PTPRG: variants seen among roughly 807,000 people sequenced by gnomAD.
PTPRG encodes protein tyrosine phosphatase receptor type G, also known as receptor-type tyrosine-protein phosphatase gamma.
Under a neutral mutation model 165.3 loss-of-function variants are expected in PTPRG, and 102 were observed. That is an observed-to-expected ratio of 0.62 (90% CI 0.53 to 0.73). The LOEUF (loss-of-function observed/expected upper bound fraction) is 0.73, where lower values mean the gene tolerates loss of function less well. PTPRG is among the 30% of genes least tolerant of loss of function. PTPRG has a pLI of 0.00. For synonymous variants in PTPRG, 675 were observed against 669.5 expected, an observed-to-expected ratio of 1.01 and a Z score of -0.13; for missense variants, 1,866 against 1,861.4, an observed-to-expected ratio of 1.00 and a Z score of -0.05.
At chr3:62,006,509 C>A (rs960191618) in intron 4 of PTPRG, among the ~76,000 whole-genome samples, 1 of 152,046 alleles carries the variant, frequency 6.6e-6, no homozygotes. Flanking sequence ...TGTTTTCATT[C>A]TTAAAAACTA....
At chr3:61,857,497 C>T (rs2037145057) in intron 2 of PTPRG, among the ~76,000 whole-genome samples, 1 of 152,130 alleles carries the variant, frequency 6.6e-6, no homozygotes, top group Non-Finnish European at 1.5e-5. Flanking sequence ...GATGCATGTG[C>T]CATGGGTTGC....
chr3:61,684,550 C>G (rs1703559164), intron 1 of PTPRG, among the ~76,000 whole-genome samples: 1 of 152,174 alleles, frequency 6.6e-6, no homozygotes. Context: ...TAACATCTGA[C>G]AGGAGCTTCT....
chr3:61,638,591 G>GTTTTTTTTTTTTT (rs34396141), intron 1 of PTPRG, among the ~76,000 whole-genome samples: 4 of 58,704 alleles, frequency 6.8e-5, no homozygotes, highest in Admixed American at 3.1e-4. Flanking sequence ...TGCCTGGCTA[G>GTTTTTTTTTTTTT]TTTTTTTTTT....
In PTPRG at chr3:62,056,378, G is replaced by A. The variant is rs565106981; in HGVS notation, c.520-21785G>A. On this transcript the variant is annotated intron_variant, in intron 4 of 29. Coordinates refer to ENST00000474889, the MANE Select transcript of PTPRG (RefSeq NM_002841.4). ...GTAGCCCATGAGGGCTTTGAATGTG[G>A]CCCAACACAAATTTGTAAACTTTCT... Among the ~76,000 whole-genome samples the A allele has an allele frequency of 3.9e-5, 6 of 152,236 alleles. No individual in the cohort carries two copies. In the East Asian group the frequency reaches 1.2e-3, roughly 29 times the overall value.
intron 4 of PTPRG, among the ~76,000 whole-genome samples, chr3:62,018,203 A>C (rs185790605): frequency 6.6e-6 from 1 of 152,360 alleles, no homozygotes; most frequent in Non-Finnish European, 1.5e-5. Flanking sequence ...ATCTTAACCC[A>C]AATGTACATC....
At chr3:61,591,086 A>C (rs1469215661) in intron 1 of PTPRG, among the ~76,000 whole-genome samples, 1 of 152,188 alleles carries the variant, frequency 6.6e-6, no homozygotes, top group Non-Finnish European at 1.5e-5. Flanking sequence ...ACCCTGTCCC[A>C]AAAAAAGAAA....
At chr3:61,598,381 T>C (rs1209178760) in intron 1 of PTPRG, among the ~76,000 whole-genome samples, 4 of 152,296 alleles carry the variant, frequency 2.6e-5, no homozygotes, top group Non-Finnish European at 1.5e-5. Flanking sequence ...GCGCAGCTAG[T>C]GTCTGTCCTT....
At chr3:61,843,964 CTT>C (rs11310810) in intron 2 of PTPRG, among the ~76,000 whole-genome samples, 18,453 of 122,150 alleles carry the variant, frequency 0.15, 1,730 homozygotes, top group African/African-American at 0.33. Context: ...TTTTACAACT[CTT>C]TTTTTTTTTT....
chr3:61,989,827 G>T (rs767667786), intron 3 of PTPRG, 23 bp downstream of exon 3: 1 of 1,611,998 alleles, frequency 6.2e-7, no homozygotes, highest in Non-Finnish European at 8.5e-7. Context: ...TTCTTTATTT[G>T]TCCACAGAGC....
chr3:62,084,626 A>C (rs1043163645), intron 5 of PTPRG, among the ~76,000 whole-genome samples: 3 of 152,204 alleles, frequency 2.0e-5, no homozygotes, highest in Admixed American at 6.5e-5. Flanking sequence ...ATTTATAGAC[A>C]TTGAGAAGGC....
intron 1 of PTPRG, among the ~76,000 whole-genome samples, chr3:61,617,287 A>T (rs1701324299): frequency 6.6e-6 from 1 of 152,166 alleles, no homozygotes; most frequent in Non-Finnish European, 1.5e-5. Context: ...CTAACTTGTT[A>T]ATAAGTGGTA....
chr3:61,689,170 A>G (rs2029986222), intron 1 of PTPRG, among the ~76,000 whole-genome samples: 1 of 152,244 alleles, frequency 6.6e-6, no homozygotes, highest in Non-Finnish European at 1.5e-5. Flanking sequence ...TGCAATTCAT[A>G]TTTGAAGCTG....
At chr3:61,948,518 G>GGGGGCGGTCAAGGGTGGGTT (rs1291852417) in intron 2 of PTPRG, among the ~76,000 whole-genome samples, 1 of 152,114 alleles carries the variant, frequency 6.6e-6, no homozygotes, top group African/African-American at 2.4e-5. Context: ...TAGTGTTATG[G>GGGGGCGGTCAAGGGTGGGTT]GGGGCGGTCA....
chr3:61,820,602 T>TG lies in PTPRG; in HGVS notation c.190+71621dup, dbSNP rs2035921851. On this transcript the variant is annotated intron_variant, in intron 2 of 29. Transcript: ENST00000474889. The stretch of plus-strand genomic sequence containing the variant: ...TTTTAATTTCTTGTTCCTGTGTCTC[T>TG]GTTTTTTTTTTTTTTTTTTTTTTTT... Among the ~76,000 whole-genome samples the TG allele has an allele frequency of 7.5e-5, 9 of 120,276 alleles. No individual in the cohort carries two copies. The South Asian group carries it at 2.5e-3, about 33-fold the overall frequency. 78.9% of individuals were successfully genotyped at this position (120,276 alleles called of 152,430 possible).
intron 4 of PTPRG, among the ~76,000 whole-genome samples, chr3:62,044,007 A>G (rs374984820): frequency 1.3e-5 from 2 of 152,174 alleles, no homozygotes; most frequent in African/African-American, 4.8e-5. Context: ...TATTTGGAGG[A>G]TAATTTTTGC....
intron 1 of PTPRG, among the ~76,000 whole-genome samples, chr3:61,566,588 A>G (rs769587354): frequency 6.6e-6 from 1 of 151,990 alleles, no homozygotes; most frequent in Non-Finnish European, 1.5e-5. Flanking sequence ...GCTCATTGCA[A>G]CCTCTACTTC....
intron 2 of PTPRG, among the ~76,000 whole-genome samples, chr3:61,875,504 G>A (rs1261405542): frequency 6.6e-6 from 1 of 152,214 alleles, no homozygotes; most frequent in African/African-American, 2.4e-5. Flanking sequence ...GTTTCAAAAT[G>A]AAGAGTACCT....
intron 2 of PTPRG, among the ~76,000 whole-genome samples, chr3:61,961,283 C>A (rs142243095): frequency 5.9e-5 from 9 of 152,242 alleles, no homozygotes; most frequent in African/African-American, 2.2e-4. Context: ...GGTTTGAGTT[C>A]AGCTTTTCTT....
At chr3:62,218,379 G>A (rs1444063719) in intron 12 of PTPRG, among the ~76,000 whole-genome samples, 1 of 152,156 alleles carries the variant, frequency 6.6e-6, no homozygotes, top group African/African-American at 2.4e-5. Flanking sequence ...GATGGCCATC[G>A]TAGTCACAGC....
Sources: gnomAD v4.1 joint callset for allele counts (sites outside exome capture counted in the v4.1 genomes callset) on GRCh38, gnomAD v4.1.1 for gene constraint, MANE v1.5 for transcripts, NCBI Gene and HGNC (gene_info 2026-07-23, HGNC 2026-07-21) for gene names.